SPIDR: variants seen among roughly 807,000 people sequenced by gnomAD.
The protein encoded by SPIDR is scaffold protein involved in DNA repair.
In SPIDR, 93 loss-of-function variants were observed where a neutral mutation model predicts 104.6. That is an observed-to-expected ratio of 0.89 (90% CI 0.75 to 1.06). The LOEUF (loss-of-function observed/expected upper bound fraction) is 1.06, where lower values mean the gene tolerates loss of function less well. Ranked by LOEUF, SPIDR falls within the 50% of genes least tolerant of loss-of-function variation. The pLI, the probability that SPIDR is intolerant of heterozygous loss-of-function variation, is 0.00. For missense variants in SPIDR, 1,154 were observed against 1,111.2 expected, an observed-to-expected ratio of 1.04 and a Z score of -0.55; for synonymous variants, 431 against 416.9, an observed-to-expected ratio of 1.03 and a Z score of -0.41.
At position 47,606,114 on chromosome 8, in the gene SPIDR, C is replaced by T. The variant is rs532737982; in HGVS notation, c.1544+6918C>T. ...CACTGCTGTCTAAATGATGGAGATA[C>T]GGAAGTTCCTCTGGAATAAACATAT... On this transcript the variant is annotated intron_variant, in intron 10 of 19. Coordinates refer to ENST00000297423, the MANE Select transcript of SPIDR (RefSeq NM_001080394.4). Among the ~76,000 whole-genome samples, 6 of 152,256 alleles carry T rather than the reference C, an allele frequency of 3.9e-5. No individual in the cohort carries two copies. The South Asian group carries it at 1.0e-3, about 26-fold the overall frequency.
At chr8:47,288,691 T>G (rs1554565448) in intron 3 of SPIDR, among the ~76,000 whole-genome samples, 27 of 152,266 alleles carry the variant, frequency 1.8e-4, no homozygotes, top group Non-Finnish European at 3.1e-4. Context: ...TAGATATAGA[T>G]TCTTAGAATA....
intron 5 of SPIDR, among the ~76,000 whole-genome samples, chr8:47,373,009 T>G (rs1202985267): frequency 6.6e-6 from 1 of 152,136 alleles, no homozygotes; most frequent in Non-Finnish European, 1.5e-5. Context: ...AAGGCTAGGA[T>G]TAGGATCTCC....
chr8:47,408,982 TC>T (rs1460070056), intron 7 of SPIDR, among the ~76,000 whole-genome samples: 3 of 152,052 alleles, frequency 2.0e-5, no homozygotes, highest in Non-Finnish European at 4.4e-5. Context: ...GGTCAAGAGA[TC>T]GAGACCATCC....
chr8:47,586,910 A>C (rs951297512), intron 8 of SPIDR, among the ~76,000 whole-genome samples: 1 of 152,132 alleles, frequency 6.6e-6, no homozygotes, highest in Non-Finnish European at 1.5e-5. Flanking sequence ...CTGGAACTAC[A>C]GGCACGTGCC....
intron 8 of SPIDR, among the ~76,000 whole-genome samples, chr8:47,523,617 T>G (rs1564221756): frequency 6.6e-6 from 1 of 152,184 alleles, no homozygotes; most frequent in Non-Finnish European, 1.5e-5. Flanking sequence ...CCCTGCCGGC[T>G]GGTGATGGGG....
intron 5 of SPIDR, among the ~76,000 whole-genome samples, chr8:47,307,140 G>C (rs1019883560): frequency 6.6e-6 from 1 of 151,152 alleles, no homozygotes; most frequent in Admixed American, 6.6e-5. Context: ...ACTGCTTTTT[G>C]TGGGGGCCCT....
At chr8:47,588,529 A>T (rs552959161) in intron 8 of SPIDR, among the ~76,000 whole-genome samples, 2 of 152,002 alleles carry the variant, frequency 1.3e-5, no homozygotes, top group East Asian at 3.9e-4. Context: ...GGACATTTTT[A>T]TTTATTCTTT....
intron 11 of SPIDR, among the ~76,000 whole-genome samples, chr8:47,692,800 A>G (rs2078857155): frequency 6.6e-6 from 1 of 152,042 alleles, no homozygotes; most frequent in South Asian, 2.1e-4. Context: ...AGATACATCA[A>G]ATTTATTTAT....
At chr8:47,547,316 C>A in intron 8 of SPIDR, 1 of 546,028 alleles carries the variant, frequency 1.8e-6, no homozygotes. Context: ...CCCATCTAGT[C>A]AATGCCCATG....
intron 14 of SPIDR, among the ~76,000 whole-genome samples, chr8:47,711,703 C>T (rs940034595): frequency 1.3e-5 from 2 of 152,188 alleles, no homozygotes; most frequent in East Asian, 3.8e-4. Flanking sequence ...ATCATTATTT[C>T]ATACCAATAC....
At chr8:47,490,429 A>T (rs1388472391) in intron 8 of SPIDR, among the ~76,000 whole-genome samples, 10 of 152,204 alleles carry the variant, frequency 6.6e-5, no homozygotes, top group Non-Finnish European at 1.5e-4. Context: ...ATTGTGGAAG[A>T]CAGTGTGGCG....
intron 10 of SPIDR, among the ~76,000 whole-genome samples, chr8:47,645,116 A>G (rs1185134487): frequency 6.6e-6 from 1 of 152,190 alleles, no homozygotes; most frequent in Non-Finnish European, 1.5e-5. Flanking sequence ...ATGTGATCCA[A>G]TCTGTGCTTT....
intron 8 of SPIDR, among the ~76,000 whole-genome samples, chr8:47,587,669 T>C (rs950991532): frequency 6.0e-4 from 91 of 150,572 alleles, no homozygotes; most frequent in African/African-American, 2.2e-3. Context: ...ACAGTGTATC[T>C]GTGGTCCCAT....
chr8:47,278,771 C>A (rs978618783), intron 1 of SPIDR, among the ~76,000 whole-genome samples: 2 of 152,142 alleles, frequency 1.3e-5, no homozygotes, highest in Admixed American at 1.3e-4. Context: ...CCACGCCTAG[C>A]TAATTGTTTT....
intron 8 of SPIDR, among the ~76,000 whole-genome samples, chr8:47,508,598 A>G (rs971828573): frequency 7.9e-5 from 12 of 152,150 alleles, no homozygotes; most frequent in African/African-American, 2.9e-4. Context: ...CAGGGAAGAG[A>G]AGTTCAGAAG....
rs184075240 is a variant in SPIDR at position 47,330,904 on chromosome 8, A to G, written c.525+36874A>G. On this transcript the variant is annotated intron_variant, in intron 5 of 19. Transcript: ENST00000297423. Reference sequence around the variant, plus strand: ...ACTATTGGATTGTATTGGTAAGAGTATTTTTAGTTTTATAAGAAACTGCCA... The same window carrying G: ...ACTATTGGATTGTATTGGTAAGAGTGTTTTTAGTTTTATAAGAAACTGCCA... 894 of 385,810 alleles carry G rather than the reference A, an allele frequency of 2.3e-3. 4 individuals are homozygous for G. The highest frequency in any genetic ancestry group is 3.3e-3 in the Non-Finnish European group (617 of 189,100). The allele number at this position is 385,810 out of a possible 1,614,324, so 23.9% of individuals were successfully genotyped here. A position where few individuals can be genotyped will look rare whatever the true frequency, so the allele number is the denominator to read the frequency against.
chr8:47,328,195 C>G (rs1178626674), intron 5 of SPIDR, among the ~76,000 whole-genome samples: 2 of 151,716 alleles, frequency 1.3e-5, no homozygotes, highest in Non-Finnish European at 2.9e-5. Flanking sequence ...TTTTGCTCTT[C>G]TATTTAGGCC....
At chr8:47,467,501 A>G (rs909841344) in intron 8 of SPIDR, among the ~76,000 whole-genome samples, 8 of 152,202 alleles carry the variant, frequency 5.3e-5, no homozygotes, top group African/African-American at 1.7e-4. Flanking sequence ...CACATCAAAA[A>G]GCTTATCCAC....
chr8:47,512,883 A>C (rs1405815635), intron 8 of SPIDR, among the ~76,000 whole-genome samples: 1 of 152,178 alleles, frequency 6.6e-6, no homozygotes, highest in Non-Finnish European at 1.5e-5. Flanking sequence ...TAACTAAGCT[A>C]TTTGGCTTTT....
Sources: allele counts gnomAD v4.1 joint callset (sites outside exome capture counted in the v4.1 genomes callset), GRCh38; gene constraint gnomAD v4.1.1; transcripts MANE v1.5; gene names NCBI Gene and HGNC (gene_info 2026-07-23, HGNC 2026-07-21).